CSMD1: variants seen among roughly 807,000 people sequenced by gnomAD.
CSMD1 encodes CUB and Sushi multiple domains 1, also known as CUB and sushi domain-containing protein 1.
In CSMD1, 213 loss-of-function variants were observed where a neutral mutation model predicts 417.5. The observed-to-expected ratio is 0.51, with a 90% CI of 0.46 to 0.57. The LOEUF is 0.57. Ranked by LOEUF, CSMD1 falls within the 20% of genes least tolerant of loss-of-function variation. The pLI is 0.00. For synonymous variants in CSMD1, 2,862 were observed against 1,736.8 expected, an observed-to-expected ratio of 1.65 and a Z score of -16.11; for missense variants, 6,923 against 4,529.7, an observed-to-expected ratio of 1.53 and a Z score of -15.17.
rs903659455 is a variant in CSMD1, at chr8:4,542,390, C to G, written c.302+94952G>C. On this transcript the variant is annotated intron_variant, in intron 2 of 69. Transcript: ENST00000635120. ...AGTTTTAATTTTTAAGTTTTCTCTT[C>G]AGAAGAATAACCATTAAAAATCTCA... 2.8e-4 allele frequency among the ~76,000 whole-genome samples: 42 copies of G among 152,082 alleles called. 1 individual carries two copies. The highest frequency in any genetic ancestry group is 2.7e-3 in the Admixed American group (41 of 15,258).
In CSMD1 at chr8:3,409,624, A is replaced by G. The variant is rs939493513; in HGVS notation, c.1562-19T>C. 6.5e-7 allele frequency: 1 copy of G among 1,543,532 alleles called. No homozygotes were observed. Among genetic ancestry groups the G allele is most frequent in the African/African-American group, 1.4e-5 (1 of 73,174 alleles). Reference sequence around the variant, plus strand: ...TCAATTTCTGAAAATGGAAAAACAAATGAACCCTTAAAAAAACACACACAA... The same window carrying G: ...TCAATTTCTGAAAATGGAAAAACAAGTGAACCCTTAAAAAAACACACACAA... On this transcript the variant is annotated intron_variant, in intron 12 of 69. Coordinates refer to ENST00000635120, the MANE Select transcript of CSMD1 (RefSeq NM_033225.6).
chr8:4,248,013 A>G lies in CSMD1; in HGVS notation c.415+171940T>C, dbSNP rs115877035. On this transcript the variant is annotated intron_variant, in intron 3 of 69. Transcript: ENST00000635120. ...GTTTAAGTTGGCTCTCCATAATTGT[A>G]TATAGATTTTTCATTTAGAGAAGTT... 8.7e-3 allele frequency among the ~76,000 whole-genome samples: 1,330 copies of G among 152,296 alleles called. 16 individuals carry two copies. The highest frequency in any genetic ancestry group is 0.03 in the African/African-American group (1,226 of 41,556).
At chr8:4,535,818 A>G (rs1438866383) in intron 2 of CSMD1, among the ~76,000 whole-genome samples, 1 of 152,142 alleles carries the variant, frequency 6.6e-6, no homozygotes, top group African/African-American at 2.4e-5. Context: ...CCTTTCTTTA[A>G]AGGAAATACA....
intron 3 of CSMD1, among the ~76,000 whole-genome samples, chr8:4,336,447 T>C (rs1457364881): frequency 1.3e-5 from 2 of 152,142 alleles, no homozygotes; most frequent in East Asian, 1.9e-4. Context: ...AATGTCAGCA[T>C]CTGTGCTATG....
rs143710123 is a variant in CSMD1 at position 4,103,265 on chromosome 8, T to TTATA, written c.416-71170_416-71167dup. ...TACTGATGATCAGTGTATACATACATTATATATATCATACTGAAAGTATGA... is the reference window on the plus strand; with the variant it reads ...TACTGATGATCAGTGTATACATACATTATATATATATATCATACTGAAAGTATGA... On this transcript the variant is annotated intron_variant, in intron 3 of 69. Transcript: ENST00000635120. 5.6e-3 allele frequency among the ~76,000 whole-genome samples: 835 copies of TTATA among 149,958 alleles called. 7 individuals carry two copies. Among genetic ancestry groups the TTATA allele is most frequent in the African/African-American group, 0.019 (776 of 40,994 alleles).
intron 45 of CSMD1, chr8:3,106,888 G>A (rs1816182909): frequency 2.9e-6 from 1 of 346,780 alleles, no homozygotes; most frequent in Middle Eastern, 8.2e-4. Flanking sequence ...CCTTGACTGA[G>A]GCATCCGTGT....
chr8:3,306,986 G>C (rs1488525307), intron 25 of CSMD1, among the ~76,000 whole-genome samples: 1 of 151,930 alleles, frequency 6.6e-6, no homozygotes. Flanking sequence ...TTTTATATGT[G>C]TTACTTTAGA....
chr8:3,974,165 C>T (rs1018176459), intron 5 of CSMD1, among the ~76,000 whole-genome samples: 4 of 152,104 alleles, frequency 2.6e-5, no homozygotes, highest in East Asian at 3.9e-4. Context: ...CAGAGGCACT[C>T]GCACACACCC....
intron 23 of CSMD1, among the ~76,000 whole-genome samples, chr8:3,314,913 G>C (rs191325137): frequency 1.6e-3 from 251 of 152,336 alleles, no homozygotes; most frequent in Non-Finnish European, 1.4e-3. Context: ...AGTAATGTGA[G>C]TTTTTTCAGC....
intron 54 of CSMD1, among the ~76,000 whole-genome samples, chr8:2,997,437 A>G (rs1423797497): frequency 1.3e-5 from 2 of 152,246 alleles, no homozygotes; most frequent in Non-Finnish European, 2.9e-5. Flanking sequence ...TCTTAATACC[A>G]TAAAAAATAC....
At position 4,817,806 on chromosome 8, in the gene CSMD1, A is replaced by G. The variant is rs116681237; in HGVS notation, c.85+176526T>C. 2.5e-3 allele frequency among the ~76,000 whole-genome samples: 377 copies of G among 152,346 alleles called. 3 individuals carry two copies. The highest frequency in any genetic ancestry group is 8.8e-3 in the African/African-American group (365 of 41,578). On this transcript the variant is annotated intron_variant, in intron 1 of 69. Coordinates refer to ENST00000635120, the MANE Select transcript of CSMD1 (RefSeq NM_033225.6). ...AGAAATACACCATCATGAGTGATAT[A>G]TAAGTGCAGGGAGCTTGTAACTACA...
At chr8:4,755,196 G>C (rs1017385225) in intron 1 of CSMD1, among the ~76,000 whole-genome samples, 1 of 152,158 alleles carries the variant, frequency 6.6e-6, no homozygotes, top group African/African-American at 2.4e-5. Context: ...AAGTTCTCTT[G>C]TAAAAATCTC....
At chr8:4,375,252 C>G (rs1042803972) in intron 3 of CSMD1, among the ~76,000 whole-genome samples, 21 of 152,190 alleles carry the variant, frequency 1.4e-4, no homozygotes, top group African/African-American at 5.1e-4. Flanking sequence ...ATAAAACATG[C>G]AGTTGTCCAT....
chr8:3,570,178 G>A lies in CSMD1; in HGVS notation c.1344+4767C>T, dbSNP rs576594979. 1.2e-4 allele frequency among the ~76,000 whole-genome samples: 19 copies of A among 152,306 alleles called. 1 individual carries two copies. The highest frequency in any genetic ancestry group is 8.3e-4 in the South Asian group (4 of 4,828). On this transcript the variant is annotated intron_variant, in intron 10 of 69. Coordinates refer to ENST00000635120, the MANE Select transcript of CSMD1 (RefSeq NM_033225.6). ...ACATACATCATGAGTTTTAATGGAT[G>A]TTAGCCATAAAACTAAAGTAAAAGG...
chr8:4,210,204 C>G (rs1046377314), intron 3 of CSMD1, among the ~76,000 whole-genome samples: 1 of 152,198 alleles, frequency 6.6e-6, no homozygotes, highest in African/African-American at 2.4e-5. Flanking sequence ...TTCACTCCCT[C>G]CCCAAGCCAG....
intron 2 of CSMD1, among the ~76,000 whole-genome samples, chr8:4,540,728 A>C (rs1797338902): frequency 6.6e-6 from 1 of 152,132 alleles, no homozygotes; most frequent in Non-Finnish European, 1.5e-5. Context: ...CAAGTGTCTA[A>C]GCTGTGCCAG....
At chr8:3,081,429 C>A (rs1814087903) in intron 49 of CSMD1, among the ~76,000 whole-genome samples, 1 of 152,026 alleles carries the variant, frequency 6.6e-6, no homozygotes, top group Non-Finnish European at 1.5e-5. Context: ...GTTCCCAATG[C>A]CACAAAGAGA....
rs1305323170 is a variant in CSMD1, at chr8:3,772,690, T to TAC, written c.819-18650_819-18649dup. On this transcript the variant is annotated intron_variant, in intron 5 of 69. Transcript: ENST00000635120. ...TTATATATACATATATACATATATA[T>TAC]ACAAATATATACACACACACATATA... 3.1e-4 allele frequency among the ~76,000 whole-genome samples: 44 copies of TAC among 142,452 alleles called. 1 individual carries two copies. The South Asian group carries it at 7.5e-3, about 24-fold the overall frequency. The allele number at this position is 142,452 out of a possible 152,430, so 93.5% of individuals were successfully genotyped here.
Position 4,167,336 on chromosome 8 carries a change from G to C in CSMD1, c.416-135237C>G, listed in dbSNP as rs573562736. Among the ~76,000 whole-genome samples, 21 of 152,244 alleles carry C rather than the reference G, an allele frequency of 1.4e-4. No individual in the cohort carries two copies. The South Asian group carries it at 1.9e-3, about 14-fold the overall frequency. The stretch of plus-strand genomic sequence containing the variant: ...ACGTAACTTAGAGGTATCTAAGTAA[G>C]ACTTTGTGAAGGGTGCCTGGTGACA... On this transcript the variant is annotated intron_variant, in intron 3 of 69. Coordinates refer to ENST00000635120, the MANE Select transcript of CSMD1 (RefSeq NM_033225.6).
Sources: allele counts gnomAD v4.1 joint callset (sites outside exome capture counted in the v4.1 genomes callset), GRCh38; gene constraint gnomAD v4.1.1; transcripts MANE v1.5; gene names NCBI Gene and HGNC (gene_info 2026-07-23, HGNC 2026-07-21).